The following BRINP3 variants were observed in gnomAD, a reference collection of about 807,000 sequenced individuals.
The protein encoded by BRINP3 is BMP/retinoic acid inducible neural specific 3.
Under a neutral mutation model 71.0 loss-of-function variants are expected in BRINP3, and 19 were observed. The ratio of observed to expected loss-of-function variants is 0.27; its 90% confidence interval spans 0.19 to 0.39. The LOEUF is 0.39. Among genes scored for constraint, BRINP3 ranks in the 10% least tolerant of loss-of-function variants. The probability of loss-of-function intolerance (pLI) is 1.00; values close to 1 mark genes in which losing one functional copy is unlikely to be tolerated. For missense variants in BRINP3, 959 were observed against 940.8 expected, an observed-to-expected ratio of 1.02 and a Z score of -0.25; for synonymous variants, 380 against 337.7, an observed-to-expected ratio of 1.13 and a Z score of -1.37.
Position 190,454,810 on chromosome 1 carries a change from G to C in BRINP3, c.81C>G (p.Cys27Trp), listed in dbSNP as rs561118025. 4 of 1,614,044 alleles carry C rather than the reference G, an allele frequency of 2.5e-6. No homozygotes were observed. The Admixed American group carries it at 6.7e-5, about 27-fold the overall frequency. Reference protein sequence around the residue: ...LWEWIALSLHCWVLAVAAVSD... With the variant: ...LWEWIALSLHWWVLAVAAVSD... ...AAACAGCAGCAACCGCTAAAACCCA[G>C]CAATGAAGACTCAGTGCTATCCACT... Residue 27 changes from cysteine (C) to tryptophan (W), a missense_variant, in exon 2 of 8, where the codon TGC becomes TGG. Coordinates refer to ENST00000367462, the MANE Select transcript of BRINP3 (RefSeq NM_199051.3).
chr1:190,145,885 GAAT>G (rs1655844470), intron 7 of BRINP3, among the ~76,000 whole-genome samples: 1 of 152,066 alleles, frequency 6.6e-6, no homozygotes, highest in African/African-American at 2.4e-5. Flanking sequence ...AAAAGGAATA[GAAT>G]AATGTCTTTT....
chr1:190,332,081 C>T (rs1209504354), intron 2 of BRINP3, among the ~76,000 whole-genome samples: 1 of 151,914 alleles, frequency 6.6e-6, no homozygotes, highest in East Asian at 1.9e-4. Flanking sequence ...TACATCAACC[C>T]TATTTTAAGC....
chr1:190,388,372 C>A (rs1671046265), intron 2 of BRINP3, among the ~76,000 whole-genome samples: 1 of 151,610 alleles, frequency 6.6e-6, no homozygotes, highest in Non-Finnish European at 1.5e-5. Context: ...TGACTGTGAC[C>A]TAATATGAAA....
intron 3 of BRINP3, among the ~76,000 whole-genome samples, chr1:190,273,429 T>C (rs1481596820): frequency 1.3e-5 from 2 of 151,550 alleles, no homozygotes; most frequent in Non-Finnish European, 3.0e-5. Context: ...TTAATGACTG[T>C]GGATATAAAA....
intron 4 of BRINP3, among the ~76,000 whole-genome samples, chr1:190,260,363 G>C (rs1661077490): frequency 1.3e-5 from 2 of 152,022 alleles, no homozygotes. Context: ...TTGCTTGGCT[G>C]TAGTAACCAT....
chr1:190,268,100 A>G (rs923433477), intron 3 of BRINP3, among the ~76,000 whole-genome samples: 1 of 152,156 alleles, frequency 6.6e-6, no homozygotes, highest in African/African-American at 2.4e-5. Flanking sequence ...GATAATTCCA[A>G]TACTGCAAAA....
intron 6 of BRINP3, among the ~76,000 whole-genome samples, chr1:190,212,236 T>G (rs1222371700): frequency 1.3e-5 from 2 of 152,106 alleles, no homozygotes; most frequent in Admixed American, 1.3e-4. Flanking sequence ...ATTAGACTTT[T>G]ATATCCAGTT....
chr1:190,263,953 C>G (rs1267026282), intron 4 of BRINP3, among the ~76,000 whole-genome samples: 11 of 152,120 alleles, frequency 7.2e-5, no homozygotes. Flanking sequence ...AGTAATACAA[C>G]GTTACATTTA....
At chr1:190,110,767 C>T (rs954337991) in intron 7 of BRINP3, among the ~76,000 whole-genome samples, 1 of 151,806 alleles carries the variant, frequency 6.6e-6, no homozygotes, top group African/African-American at 2.4e-5. Context: ...CATCTATATT[C>T]CATGAAAAAA....
intron 7 of BRINP3, among the ~76,000 whole-genome samples, chr1:190,146,901 A>G (rs16832100): frequency 0.082 from 12,415 of 152,074 alleles, 591 homozygotes; most frequent in East Asian, 0.11. Context: ...GATAAAATAT[A>G]TACATACAGA....
Position 190,174,963 on chromosome 1 carries a change from C to T in BRINP3, c.962-14073G>A, listed in dbSNP as rs144099810. ...CTGCTGTAGAGGTGAGCTTCTCTGA[C>T]CATAGCTCTGAAAATCACCATTACT... On this transcript the variant is annotated intron_variant, in intron 6 of 7. Coordinates refer to ENST00000367462, the MANE Select transcript of BRINP3 (RefSeq NM_199051.3). Among the ~76,000 whole-genome samples the T allele has an allele frequency of 2.0e-5, 3 of 152,174 alleles. No homozygotes were observed. The South Asian group carries it at 6.2e-4, about 32-fold the overall frequency.
intron 2 of BRINP3, among the ~76,000 whole-genome samples, chr1:190,286,014 T>A (rs1663397741): frequency 6.6e-6 from 1 of 152,136 alleles, no homozygotes; most frequent in Admixed American, 6.6e-5. Context: ...AGTCTTTCAA[T>A]TAAATAGGCA....
At chr1:190,381,313 C>T (rs981410703) in intron 2 of BRINP3, among the ~76,000 whole-genome samples, 26 of 150,986 alleles carry the variant, frequency 1.7e-4, no homozygotes, top group Non-Finnish European at 3.4e-4. Context: ...AAAACACCGA[C>T]GATCTGTGCA....
At chr1:190,252,529 A>G (rs1660241813) in intron 4 of BRINP3, among the ~76,000 whole-genome samples, 1 of 152,072 alleles carries the variant, frequency 6.6e-6, no homozygotes. Flanking sequence ...GTTTCAGCAT[A>G]CATGCTAAAG....
intron 6 of BRINP3, among the ~76,000 whole-genome samples, chr1:190,161,552 A>T (rs940368906): frequency 1.3e-5 from 2 of 152,066 alleles, no homozygotes; most frequent in Non-Finnish European, 2.9e-5. Context: ...AAAAGAATTT[A>T]AAGCTGAAAT....
rs575201463 is a variant in BRINP3, at chr1:190,287,824, A to C, written c.237-6074T>G. Among the ~76,000 whole-genome samples the C allele has an allele frequency of 3.3e-5, 5 of 152,284 alleles. 1 individual carries two copies. In the South Asian group the frequency reaches 1.0e-3, roughly 32 times the overall value. On this transcript the variant is annotated intron_variant, in intron 2 of 7. Transcript: ENST00000367462. Reference sequence around the variant, plus strand: ...TGGTCTGGTTTATGGCTAGTTATGCACACTTCAGATTTTTAAAATATGTTA... The same window carrying C: ...TGGTCTGGTTTATGGCTAGTTATGCCCACTTCAGATTTTTAAAATATGTTA...
chr1:190,115,208 G>T (rs138350535), intron 7 of BRINP3, among the ~76,000 whole-genome samples: 1,848 of 152,232 alleles, frequency 0.012, 36 homozygotes, highest in African/African-American at 0.042. Context: ...GGCATAGTTA[G>T]TAGGTACAAA....
intron 2 of BRINP3, among the ~76,000 whole-genome samples, chr1:190,290,552 G>A (rs572339574): frequency 3.9e-5 from 6 of 152,122 alleles, no homozygotes; most frequent in South Asian, 2.1e-4. Context: ...AAGTTTATAC[G>A]TTTGGTAGGC....
At chr1:190,164,129 T>G (rs1282292359) in intron 6 of BRINP3, among the ~76,000 whole-genome samples, 2 of 152,134 alleles carry the variant, frequency 1.3e-5, no homozygotes, top group African/African-American at 2.4e-5. Context: ...TACCCCCGAT[T>G]GGAATTTTTG....
Sources: allele counts gnomAD v4.1 joint callset (sites outside exome capture counted in the v4.1 genomes callset), GRCh38; gene constraint gnomAD v4.1.1; transcripts MANE v1.5; gene names NCBI Gene and HGNC (gene_info 2026-07-23, HGNC 2026-07-21).